Variants in SPATA16 observed in about 807,000 individuals in gnomAD.
The protein encoded by SPATA16 is spermatogenesis-associated protein 16.
In SPATA16, 36 loss-of-function variants were observed where a neutral mutation model predicts 63.3. The ratio of observed to expected loss-of-function variants is 0.57; its 90% CI spans 0.44 to 0.75. SPATA16 has a LOEUF of 0.75. Among genes scored for constraint, SPATA16 ranks in the 30% least tolerant of loss-of-function variants. SPATA16 has a pLI of 0.00. For synonymous variants in SPATA16, 203 were observed against 216.7 expected (o/e 0.94, Z 0.56); for missense variants, 646 against 679.3 (o/e 0.95, Z 0.54).
chr3:173,133,461 T>G (rs963001399), intron 1 of SPATA16, among the ~76,000 whole-genome samples: 1 of 152,194 alleles, frequency 6.6e-6, no homozygotes, highest in African/African-American at 2.4e-5. Context: ...GTTGTTCTCC[T>G]GGTTCTGAGA....
At position 173,122,498 on chromosome 3, in the gene SPATA16, G is replaced by C. The variant is rs183478085; in HGVS notation, c.-18-4749C>G. ...AAACATTCGACATCACAGTTGCTATGGTTTTCTTTCTTTAAAAAAAAAAAG... is the reference window on the plus strand; with the variant it reads ...AAACATTCGACATCACAGTTGCTATCGTTTTCTTTCTTTAAAAAAAAAAAG... On this transcript the variant is annotated intron_variant, in intron 1 of 10. Coordinates refer to ENST00000351008, the MANE Select transcript of SPATA16 (RefSeq NM_031955.6). Among the ~76,000 whole-genome samples, 61 of 151,470 alleles carry C rather than the reference G, an allele frequency of 4.0e-4. No individual in the cohort carries two copies. The East Asian group carries it at 0.011, about 27-fold the overall frequency.
At chr3:173,110,781 C>A (rs1379271888) in intron 2 of SPATA16, among the ~76,000 whole-genome samples, 1 of 152,172 alleles carries the variant, frequency 6.6e-6, no homozygotes, top group Non-Finnish European at 1.5e-5. Flanking sequence ...GCTCTGGAGC[C>A]CTGCGGCCAC....
chr3:173,034,392 C>T (rs1298529348), intron 3 of SPATA16, among the ~76,000 whole-genome samples: 2 of 151,846 alleles, frequency 1.3e-5, no homozygotes, highest in African/African-American at 4.8e-5. Flanking sequence ...ATGTTAGAGT[C>T]TTAGAATTAG....
Position 173,104,071 on chromosome 3 carries a change from C to A in SPATA16, c.612+13049G>T, listed in dbSNP as rs1737563271. ...ACTTCCACAGATATGCAGCCAAATT[C>A]TTTGCTAAGGCATAACAAGGGTGAC... On this transcript the variant is annotated intron_variant, in intron 2 of 10. Coordinates refer to ENST00000351008, the MANE Select transcript of SPATA16 (RefSeq NM_031955.6). Among the ~76,000 whole-genome samples, 4 of 152,298 alleles carry A rather than the reference C, an allele frequency of 2.6e-5. 1 individual carries two copies. The South Asian group carries it at 8.3e-4, about 32-fold the overall frequency.
rs1272528268 is a variant in SPATA16 at position 173,129,262 on chromosome 3, A to G, written c.-18-11513T>C. Among the ~76,000 whole-genome samples the G allele has an allele frequency of 2.0e-5, 3 of 152,232 alleles. No homozygotes were observed. In the East Asian group the frequency reaches 5.8e-4, roughly 29 times the overall value. On this transcript the variant is annotated intron_variant, in intron 1 of 10. Transcript: ENST00000351008. ...TTCCAAACTCAAGAACCAAAGTAGCATGGAAGACAGGACATGAATTTTGGA... is the reference window on the plus strand; with the variant it reads ...TTCCAAACTCAAGAACCAAAGTAGCGTGGAAGACAGGACATGAATTTTGGA...
At chr3:173,075,376 C>T (rs1383283046) in intron 2 of SPATA16, among the ~76,000 whole-genome samples, 1 of 152,056 alleles carries the variant, frequency 6.6e-6, no homozygotes, top group African/African-American at 2.4e-5. Flanking sequence ...ATGGAGGTTC[C>T]TCAAACAACT....
In SPATA16 at chr3:172,995,019, G is replaced by A. The variant is rs372215958; in HGVS notation, c.849-17967C>T. Reference sequence around the variant, plus strand: ...TGAATATAAAAGGTGGAGCTTGAGGGGAAAGATCTGAGAATGTAGACATAA... The same window carrying A: ...TGAATATAAAAGGTGGAGCTTGAGGAGAAAGATCTGAGAATGTAGACATAA... On this transcript the variant is annotated intron_variant, in intron 4 of 10. Transcript: ENST00000351008. Among the ~76,000 whole-genome samples the A allele has an allele frequency of 1.3e-4, 20 of 152,072 alleles. 4 individuals carry two copies. The highest frequency in any genetic ancestry group is 3.3e-4 in the Admixed American group (5 of 15,250).
At chr3:173,094,755 G>A (rs1036001676) in intron 2 of SPATA16, among the ~76,000 whole-genome samples, 5 of 149,622 alleles carry the variant, frequency 3.3e-5, no homozygotes, top group Admixed American at 1.3e-4. Context: ...TAATGGAGAC[G>A]GAAGGACCTT....
chr3:172,984,396 T>G (rs1734393595), intron 4 of SPATA16, among the ~76,000 whole-genome samples: 1 of 152,222 alleles, frequency 6.6e-6, no homozygotes, highest in African/African-American at 2.4e-5. Context: ...CTGCTGTGTT[T>G]GGGCTTTCCT....
intron 3 of SPATA16, among the ~76,000 whole-genome samples, chr3:173,031,174 TAACAC>T (rs1181101101): frequency 6.6e-6 from 1 of 151,644 alleles, no homozygotes; most frequent in Non-Finnish European, 1.5e-5. Flanking sequence ...TGAAAGTACT[TAACAC>T]AATTGAACTG....
At chr3:173,002,037 T>C (rs1322370072) in intron 4 of SPATA16, among the ~76,000 whole-genome samples, 1 of 152,216 alleles carries the variant, frequency 6.6e-6, no homozygotes, top group Non-Finnish European at 1.5e-5. Flanking sequence ...CTGCCACACA[T>C]TTATCTATCA....
intron 4 of SPATA16, among the ~76,000 whole-genome samples, chr3:172,996,781 ATC>A (rs1734702292): frequency 1.3e-5 from 2 of 152,134 alleles, no homozygotes; most frequent in Non-Finnish European, 1.5e-5. Context: ...CTCCCTAAAA[ATC>A]TCTGTCTTTG....
chr3:173,082,679 C>T (rs960033004), intron 2 of SPATA16, among the ~76,000 whole-genome samples: 6 of 152,214 alleles, frequency 3.9e-5, no homozygotes, highest in Non-Finnish European at 7.3e-5. Context: ...TCCAGATGGG[C>T]ATGCCAGGAT....
intron 2 of SPATA16, among the ~76,000 whole-genome samples, chr3:173,061,695 C>T (rs762290006): frequency 1.3e-5 from 2 of 152,144 alleles, no homozygotes; most frequent in Non-Finnish European, 2.9e-5. Context: ...TAGAATAACA[C>T]CCATTGGTTT....
At chr3:172,921,895 A>G (rs1732622757) in intron 8 of SPATA16, among the ~76,000 whole-genome samples, 1 of 152,230 alleles carries the variant, frequency 6.6e-6, no homozygotes, top group Admixed American at 6.5e-5. Context: ...GCCTTGGGCA[A>G]AAGTCTTTGT....
rs573506104 is a variant in SPATA16, at chr3:172,891,328, G to A, written c.1588-1636C>T. Among the ~76,000 whole-genome samples the A allele has an allele frequency of 2.6e-5, 4 of 152,242 alleles. No individual in the cohort carries two copies. In the East Asian group the frequency reaches 5.8e-4, roughly 22 times the overall value. On this transcript the variant is annotated intron_variant, in intron 10 of 10. Coordinates refer to ENST00000351008, the MANE Select transcript of SPATA16 (RefSeq NM_031955.6). ...TTAAAAACAATTGTGTTCATTAAGAGCAGTACTGAGTAATGGGGTTGCATT... is the reference window on the plus strand; with the variant it reads ...TTAAAAACAATTGTGTTCATTAAGAACAGTACTGAGTAATGGGGTTGCATT...
intron 2 of SPATA16, among the ~76,000 whole-genome samples, chr3:173,090,686 A>T (rs1035245958): frequency 1.3e-5 from 2 of 152,200 alleles, no homozygotes; most frequent in African/African-American, 2.4e-5. Flanking sequence ...TTTACCTGTC[A>T]AGAAAAGCTG....
intron 6 of SPATA16, among the ~76,000 whole-genome samples, chr3:172,926,014 C>A (rs540462441): frequency 6.6e-6 from 1 of 151,906 alleles, no homozygotes; most frequent in African/African-American, 2.4e-5. Context: ...TTAGTAGAGA[C>A]GGGATTTCAC....
intron 3 of SPATA16, among the ~76,000 whole-genome samples, chr3:173,023,323 T>C (rs1189758167): frequency 6.6e-6 from 1 of 152,050 alleles, no homozygotes; most frequent in Non-Finnish European, 1.5e-5. Flanking sequence ...ACTAAGTTCA[T>C]ATGCACACTT....
Sources: allele counts gnomAD v4.1 joint callset (sites outside exome capture counted in the v4.1 genomes callset), GRCh38; gene constraint gnomAD v4.1.1; transcripts MANE v1.5; gene names NCBI Gene and HGNC (gene_info 2026-07-23, HGNC 2026-07-21).